The following ABRAXAS2 variants were observed in gnomAD, a reference collection of about 807,000 sequenced individuals.
ABRAXAS2 encodes the protein abraxas 2, BRISC complex subunit.
In ABRAXAS2, 23 loss-of-function variants were observed where a neutral mutation model predicts 49.0. That is an observed-to-expected ratio of 0.47 (90% CI 0.34 to 0.66). The LOEUF is 0.66. Among genes scored for constraint, ABRAXAS2 ranks in the 30% least tolerant of loss-of-function variants. The pLI is 0.01. For missense variants in ABRAXAS2, 443 were observed against 511.9 expected, an observed-to-expected ratio of 0.87 and a Z score of 1.30; for synonymous variants, 168 against 180.2, an observed-to-expected ratio of 0.93 and a Z score of 0.54.
intron 2 of ABRAXAS2, 35 bp from the exon 3 acceptor site, chr10:124,816,541 A>G (rs1950826356): frequency 6.6e-7 from 1 of 1,508,290 alleles, no homozygotes. Context: ...GTCTTACATG[A>G]TTAACTAAGA....
intron 7 of ABRAXAS2, 101 bp from the exon 8 acceptor site, chr10:124,831,248 T>A: frequency 2.7e-6 from 2 of 734,456 alleles, no homozygotes; most frequent in Admixed American, 2.5e-5. Context: ...TTTAACTCAA[T>A]AAACCATCTG....
chr10:124,829,365 A>C (rs1950916420), intron 6 of ABRAXAS2, 28 bp from the exon 7 acceptor site: 2 of 1,474,814 alleles, frequency 1.4e-6, no homozygotes, highest in Non-Finnish European at 1.9e-6. Context: ...GATAACCTTG[A>C]GGCATCTTTT....
At position 124,835,514 on chromosome 10, in the gene ABRAXAS2, T is replaced by G. The variant is rs1190010065; in HGVS notation, c.*543T>G. 1 of 152,664 alleles carries G rather than the reference T, an allele frequency of 6.6e-6. No individual in the cohort carries two copies. Among genetic ancestry groups the G allele is most frequent in the Non-Finnish European group, 1.5e-5 (1 of 68,074 alleles). The allele number at this position is 152,664 out of a possible 1,614,324, so 9.5% of individuals were successfully genotyped here. A position where few individuals can be genotyped will look rare whatever the true frequency, so the allele number is the denominator to read the frequency against. Reference sequence around the variant, plus strand: ...ATATACCTTCTCTTGTCTGCATGACTTTGTGAGATAAAAGAGAGGGCTTCC... The same window carrying G: ...ATATACCTTCTCTTGTCTGCATGACGTTGTGAGATAAAAGAGAGGGCTTCC... On this transcript the variant is annotated 3_prime_UTR_variant, in exon 9 of 9. Coordinates refer to ENST00000298492, the MANE Select transcript of ABRAXAS2 (RefSeq NM_032182.4).
At chr10:124,823,817 T>C (rs79830137) in intron 4 of ABRAXAS2, among the ~76,000 whole-genome samples, 5,216 of 152,362 alleles carry the variant, frequency 0.034, 133 homozygotes, top group Non-Finnish European at 0.046. Context: ...GCAACTAGTT[T>C]GTTCGTTAGC....
chr10:124,809,816 G>A (rs1371638385), intron 2 of ABRAXAS2, among the ~76,000 whole-genome samples: 1 of 148,620 alleles, frequency 6.7e-6, no homozygotes, highest in East Asian at 2.0e-4. Context: ...GCAATGGCAC[G>A]ATCTTGGTTC....
intron 5 of ABRAXAS2, among the ~76,000 whole-genome samples, chr10:124,828,348 C>T (rs1385647812): frequency 6.6e-6 from 1 of 151,906 alleles, no homozygotes; most frequent in Non-Finnish European, 1.5e-5. Context: ...ACCACGCATG[C>T]CCTTTTTAAA....
intron 1 of ABRAXAS2, among the ~76,000 whole-genome samples, chr10:124,803,878 G>T (rs1170257058): frequency 6.6e-6 from 1 of 152,148 alleles, no homozygotes. Context: ...TCCAGCCTGG[G>T]CTACAAAAAT....
At chr10:124,834,313 T>C (rs1950953659) in intron 8 of ABRAXAS2, among the ~76,000 whole-genome samples, 189 bp from the exon 9 acceptor site, 2 of 152,216 alleles carry the variant, frequency 1.3e-5, no homozygotes, top group Admixed American at 1.3e-4. Context: ...TGGCCTTAAA[T>C]GAATTAATGT....
intron 2 of ABRAXAS2, among the ~76,000 whole-genome samples, chr10:124,813,070 G>A (rs1245556984): frequency 6.6e-6 from 1 of 151,800 alleles, no homozygotes; most frequent in African/African-American, 2.4e-5. Context: ...GCGAGGTGGT[G>A]CACGCCTGTA....
At chr10:124,816,112 A>G (rs1950823499) in intron 2 of ABRAXAS2, among the ~76,000 whole-genome samples, 1 of 152,048 alleles carries the variant, frequency 6.6e-6, no homozygotes, top group African/African-American at 2.4e-5. Flanking sequence ...CATGTTGGCC[A>G]GACTGGTCTT....
rs182163685 is a variant in ABRAXAS2, at chr10:124,820,701, C to T, written c.267+1251C>T. Among the ~76,000 whole-genome samples the T allele has an allele frequency of 6.5e-4, 98 of 151,454 alleles. No individual in the cohort carries two copies. In the East Asian group the frequency reaches 0.016, roughly 25 times the overall value. ...TTCACCATGTTGCCCAGGCTGGTCT[C>T]GAACTCAAGTGATCCACCTGCCTCG... is the stretch of plus-strand genomic sequence containing the variant. On this transcript the variant is annotated intron_variant, in intron 4 of 8. Coordinates refer to ENST00000298492, the MANE Select transcript of ABRAXAS2 (RefSeq NM_032182.4).
rs1950955054 is a variant in ABRAXAS2 at position 124,834,513 on chromosome 10, G to C, written c.790G>C (p.Ala264Pro). 6.2e-7 allele frequency: 1 copy of C among 1,612,130 alleles called. No individual in the cohort carries two copies. The highest frequency in any genetic ancestry group is 1.1e-5 in the South Asian group (1 of 90,990). The stretch of plus-strand genomic sequence containing the variant: ...TTGTTTTCATCCAGGATTGCAGCAG[G>C]CAGTGTTAAGCAGACAGATGCCGTC... Reference protein sequence around the residue: ...EKEQERRLQQAVLSRQMPSES... With the variant: ...EKEQERRLQQPVLSRQMPSES... The change falls in exon 9 of 9, where the codon GCA (alanine) becomes CCA (proline). Residue 264 changes from alanine to proline, a missense_variant. Physicochemically the swap from Ala to Pro is conservative, Grantham distance 27 (BLOSUM62 -1). Around this residue, in one of 3 missense-constraint regions of ABRAXAS2, gnomAD observed 230 missense variants for 237.0 expected, o/e 0.97. Coordinates refer to ENST00000298492, the MANE Select transcript of ABRAXAS2 (RefSeq NM_032182.4).
intron 2 of ABRAXAS2, among the ~76,000 whole-genome samples, chr10:124,808,123 C>T (rs921072832): frequency 6.6e-6 from 1 of 152,088 alleles, no homozygotes; most frequent in Admixed American, 6.6e-5. Flanking sequence ...CACCAAACTG[C>T]ATATCCTAAT....
chr10:124,816,180 C>T (rs113640339), intron 2 of ABRAXAS2, among the ~76,000 whole-genome samples: 4 of 152,220 alleles, frequency 2.6e-5, no homozygotes, highest in Admixed American at 6.5e-5. Flanking sequence ...GGATTACAGG[C>T]GTGAGCCACT....
At chr10:124,829,773 G>A (rs568350281) in intron 7 of ABRAXAS2, among the ~76,000 whole-genome samples, 14 of 152,302 alleles carry the variant, frequency 9.2e-5, no homozygotes, top group African/African-American at 3.1e-4. Context: ...TAAGAACATA[G>A]CTGTCTCCAT....
At chr10:124,813,634 T>C (rs1443460941) in intron 2 of ABRAXAS2, among the ~76,000 whole-genome samples, 1 of 152,218 alleles carries the variant, frequency 6.6e-6, no homozygotes, top group Non-Finnish European at 1.5e-5. Flanking sequence ...CAAGTTCATT[T>C]CGATCTGCAG....
At chr10:124,807,051 G>A (rs550981438) in intron 2 of ABRAXAS2, 130 bp downstream of exon 2, 9 of 631,438 alleles carry the variant, frequency 1.4e-5, no homozygotes, top group African/African-American at 3.8e-5. Context: ...GGTGGCTCAC[G>A]CCTGTAATCC....
chr10:124,818,397 AC>A (rs1347804552), intron 3 of ABRAXAS2, among the ~76,000 whole-genome samples: 13 of 150,054 alleles, frequency 8.7e-5, no homozygotes, highest in African/African-American at 1.5e-4. Flanking sequence ...CTCCATCTCA[AC>A]AAAAAAAAAA....
intron 2 of ABRAXAS2, among the ~76,000 whole-genome samples, chr10:124,807,395 G>A (rs1950752957): frequency 6.6e-6 from 1 of 151,420 alleles, no homozygotes. Context: ...GCTCATGCCT[G>A]TAATCCCAGC....
Sources: allele counts gnomAD v4.1 joint callset (sites outside exome capture counted in the v4.1 genomes callset), GRCh38; gene constraint gnomAD v4.1.1; regional missense constraint gnomAD v4.1.1; transcripts MANE v1.5; gene names NCBI Gene and HGNC (gene_info 2026-07-23, HGNC 2026-07-21).